ARHGAP6: variants seen among roughly 807,000 people sequenced by gnomAD.
ARHGAP6 encodes the protein Rho GTPase activating protein 6, also known as rho GTPase-activating protein 6.
ARHGAP6 carries 16 observed loss-of-function variants against 55.7 expected under a neutral mutation model. The ratio of observed to expected loss-of-function variants is 0.29; its 90% CI spans 0.19 to 0.44. The LOEUF is 0.44. Among genes scored for constraint, ARHGAP6 ranks in the 20% least tolerant of loss-of-function variants. The pLI is 1.00. For synonymous variants in ARHGAP6, 382 were observed against 360.9 expected (o/e 1.06, Z -0.66); for missense variants, 698 against 808.9 (o/e 0.86, Z 1.66).
chrX:11,375,027 G>A (rs1421106457), intron 1 of ARHGAP6, among the ~76,000 whole-genome samples: 1 of 112,133 alleles, frequency 8.9e-6, no homozygotes, highest in Non-Finnish European at 1.9e-5. Flanking sequence ...ATTCACTGAT[G>A]TATTCCTAAT....
chrX:11,308,685 G>A (rs761132958), intron 1 of ARHGAP6, among the ~76,000 whole-genome samples: 13 of 111,850 alleles, frequency 1.2e-4, no homozygotes, highest in African/African-American at 3.6e-4. Flanking sequence ...TGGTGATCCT[G>A]GCAATGCCTG....
chrX:11,347,193 G>A (rs1048578868), intron 1 of ARHGAP6, among the ~76,000 whole-genome samples: 4 of 112,227 alleles, frequency 3.6e-5, no homozygotes, highest in South Asian at 3.7e-4. Flanking sequence ...ACAGCTGTAC[G>A]CTAGAGAAAA....
chrX:11,437,215 G>C (rs754695214), intron 1 of ARHGAP6, among the ~76,000 whole-genome samples: 1 of 111,973 alleles, frequency 8.9e-6, no homozygotes, highest in South Asian at 3.8e-4. Context: ...ATTACCATCA[G>C]CCAGAGAGGC....
At chrX:11,540,891 G>A (rs2051151309) in intron 1 of ARHGAP6, among the ~76,000 whole-genome samples, 1 of 112,260 alleles carries the variant, frequency 8.9e-6, no homozygotes, top group South Asian at 3.7e-4. Context: ...GGCCAGTGGG[G>A]AGCCAAACAG....
intron 1 of ARHGAP6, among the ~76,000 whole-genome samples, chrX:11,406,541 T>G (rs2049611219): frequency 9.0e-6 from 1 of 111,325 alleles, no homozygotes; most frequent in Admixed American, 9.5e-5. Context: ...ACTGCCACCA[T>G]GACTATCAGC....
intron 1 of ARHGAP6, among the ~76,000 whole-genome samples, chrX:11,654,584 T>C (rs2052618461): frequency 8.9e-6 from 1 of 111,808 alleles, no homozygotes; most frequent in Admixed American, 9.5e-5. Flanking sequence ...TTTTTCAAGA[T>C]TGTAAGTAGT....
intron 2 of ARHGAP6, among the ~76,000 whole-genome samples, chrX:11,207,277 C>T (rs1184637092): frequency 9.1e-6 from 1 of 110,215 alleles, no homozygotes; most frequent in African/African-American, 3.3e-5. Context: ...AATCCTCCCA[C>T]CTCAGCCTCC....
chrX:11,246,311 C>G (rs2047352242), intron 2 of ARHGAP6, among the ~76,000 whole-genome samples: 1 of 111,031 alleles, frequency 9.0e-6, no homozygotes, highest in Non-Finnish European at 1.9e-5. Context: ...AATCTCACAT[C>G]AACCCTATGA....
chrX:11,439,550 T>C (rs1438766347), intron 1 of ARHGAP6, among the ~76,000 whole-genome samples: 1 of 112,433 alleles, frequency 8.9e-6, no homozygotes, highest in Admixed American at 9.4e-5. Flanking sequence ...CTTTTTCTAC[T>C]TTTGGCTTTC....
intron 1 of ARHGAP6, among the ~76,000 whole-genome samples, chrX:11,610,671 T>C (rs55803241): frequency 0.11 from 12,595 of 111,763 alleles, 691 homozygotes; most frequent in East Asian, 0.22. Flanking sequence ...GTAATTTACA[T>C]ATGATATAAT....
intron 1 of ARHGAP6, among the ~76,000 whole-genome samples, chrX:11,572,174 CTTTTT>C (rs1338488369): frequency 9.0e-6 from 1 of 110,670 alleles, no homozygotes; most frequent in Non-Finnish European, 1.9e-5. Context: ...AATGAGGTTT[CTTTTT>C]TTTATTTTTT....
At position 11,298,067 on chromosome X, in the gene ARHGAP6, A is replaced by G. The variant is rs760940170; in HGVS notation, c.589-43360T>C. The G allele has an allele frequency of 7.5e-6, 9 of 1,199,893 alleles. No individual in the cohort carries two copies. In the South Asian group the frequency reaches 1.4e-4, roughly 19 times the overall value. ...ACACAGTGCCTGTCACACAGGAAGC[A>G]CCCAACAAATTTTTACCTTCTTCTT... On this transcript the variant is annotated intron_variant, in intron 1 of 12. Transcript: ENST00000337414.
At chrX:11,435,413 AGAACAAGAG>A (rs762418762) in intron 1 of ARHGAP6, among the ~76,000 whole-genome samples, 1 of 112,460 alleles carries the variant, frequency 8.9e-6, no homozygotes, top group Admixed American at 9.4e-5. Flanking sequence ...AGTGGAATAC[AGAACAAGAG>A]GAAGAGGGAC....
chrX:11,612,211 A>C (rs902185568), intron 1 of ARHGAP6, among the ~76,000 whole-genome samples: 2 of 111,787 alleles, frequency 1.8e-5, no homozygotes, highest in Non-Finnish European at 3.8e-5. Flanking sequence ...GCTGAACATA[A>C]AGCTGAAATG....
chrX:11,474,689 C>T (rs1186091422), intron 1 of ARHGAP6, among the ~76,000 whole-genome samples: 6 of 111,613 alleles, frequency 5.4e-5, no homozygotes, highest in Non-Finnish European at 1.1e-4. Context: ...TTTGCCCTCA[C>T]TAAATCTCAT....
In ARHGAP6 at chrX:11,503,044, C is replaced by T. The variant is rs375588348; in HGVS notation, c.588+161197G>A. Among the ~76,000 whole-genome samples the T allele has an allele frequency of 1.3e-4, 14 of 110,497 alleles. No homozygotes were observed. The East Asian group carries it at 2.0e-3, about 16-fold the overall frequency. On this transcript the variant is annotated intron_variant, in intron 1 of 12. Coordinates refer to ENST00000337414, the MANE Select transcript of ARHGAP6 (RefSeq NM_013427.3). ...CCAAGTAGCTGGGATTACAGACGTGCGCCACCACGTCTGGCTAATTTTTGC... is the reference window on the plus strand; with the variant it reads ...CCAAGTAGCTGGGATTACAGACGTGTGCCACCACGTCTGGCTAATTTTTGC...
chrX:11,152,564 A>G, intron 10 of ARHGAP6, among the ~76,000 whole-genome samples: 1 of 111,428 alleles, frequency 9.0e-6, no homozygotes, highest in East Asian at 2.8e-4. Flanking sequence ...CTCCCCAAAT[A>G]TCCAGGCTTG....
chrX:11,614,262 TA>T (rs1388916115), intron 1 of ARHGAP6, among the ~76,000 whole-genome samples: 8 of 111,846 alleles, frequency 7.2e-5, no homozygotes, highest in African/African-American at 2.3e-4. Context: ...CCCTGTGTAT[TA>T]GTCCGTTCTC....
Position 11,138,788 on chromosome X carries a change from T to G in ARHGAP6, c.*75A>C, listed in dbSNP as rs1658060617. ...GAAAGAAGAACACTAAGTGTGCCAG[T>G]GGCCACCACCCACGGTCCCCCCTGG... On this transcript the variant is annotated 3_prime_UTR_variant, in exon 13 of 13. Transcript: ENST00000337414. 1.4e-5 allele frequency: 15 copies of G among 1,043,220 alleles called. No homozygotes were observed. Among genetic ancestry groups the G allele is most frequent in the Non-Finnish European group, 1.9e-5 (15 of 781,752 alleles). 86.0% of individuals were successfully genotyped at this position (1,043,220 alleles called of 1,213,427 possible). A position where few individuals can be genotyped will look rare whatever the true frequency, so the allele number is the denominator to read the frequency against.
Sources: gnomAD v4.1 joint callset for allele counts (sites outside exome capture counted in the v4.1 genomes callset) on GRCh38, gnomAD v4.1.1 for gene constraint, MANE v1.5 for transcripts, NCBI Gene and HGNC (gene_info 2026-07-23, HGNC 2026-07-21) for gene names.